The following KCNT2 variants were observed in gnomAD, a reference collection of about 807,000 sequenced individuals.
KCNT2 encodes the protein potassium sodium-activated channel subfamily T member 2.
Under a neutral mutation model 153.8 loss-of-function variants are expected in KCNT2, and 67 were observed. That is an observed-to-expected ratio of 0.44 (90% confidence interval 0.36 to 0.53). KCNT2 has a LOEUF of 0.53. KCNT2 is among the 20% of genes least tolerant of loss of function. KCNT2 has a pLI of 0.00. For missense variants in KCNT2, 975 were observed against 1,354.8 expected (o/e 0.72, Z 4.40); for synonymous variants, 500 against 458.8 (o/e 1.09, Z -1.15).
intron 22 of KCNT2, among the ~76,000 whole-genome samples, chr1:196,294,016 A>T (rs1197964726): frequency 6.6e-6 from 1 of 152,184 alleles, no homozygotes; most frequent in African/African-American, 2.4e-5. Flanking sequence ...AATAAAACAC[A>T]TAACTGAGTC....
intron 14 of KCNT2, among the ~76,000 whole-genome samples, chr1:196,342,582 T>A (rs1446254840): frequency 6.6e-6 from 1 of 151,328 alleles, no homozygotes. Flanking sequence ...TATATACATA[T>A]CCTATCATGT....
At chr1:196,398,462 C>G in intron 13 of KCNT2, 101 bp downstream of exon 13, 1 of 579,810 alleles carries the variant, frequency 1.7e-6, no homozygotes. Context: ...TCTTTAGAAT[C>G]TTGAATACTT....
chr1:196,345,279 A>C (rs1572113679), intron 14 of KCNT2, among the ~76,000 whole-genome samples: 1 of 152,208 alleles, frequency 6.6e-6, no homozygotes, highest in African/African-American at 2.4e-5. Context: ...GGTAGAATAA[A>C]ATGTAAATAG....
At chr1:196,499,070 T>C (rs541297412) in intron 1 of KCNT2, among the ~76,000 whole-genome samples, 152 of 152,268 alleles carry the variant, frequency 1.0e-3, no homozygotes, top group African/African-American at 3.4e-3. Context: ...CAGACACATA[T>C]GCAGAAGGAA....
chr1:196,468,958 A>G, intron 6 of KCNT2, 36 bp downstream of exon 6: 1 of 1,256,326 alleles, frequency 8.0e-7, no homozygotes, highest in Admixed American at 1.8e-5. Context: ...AAGTCTAATT[A>G]CAAAAGTGTT....
At chr1:196,382,485 A>G (rs1451992132) in intron 13 of KCNT2, among the ~76,000 whole-genome samples, 1 of 152,136 alleles carries the variant, frequency 6.6e-6, no homozygotes, top group African/African-American at 2.4e-5. Flanking sequence ...TCGTAAAAAT[A>G]AAATTGGAGA....
At chr1:196,267,392 T>C (rs919082986) in intron 25 of KCNT2, among the ~76,000 whole-genome samples, 1 of 152,204 alleles carries the variant, frequency 6.6e-6, no homozygotes, top group Non-Finnish European at 1.5e-5. Flanking sequence ...TCCACAATGT[T>C]AAGACAAAAC....
intron 8 of KCNT2, among the ~76,000 whole-genome samples, chr1:196,456,792 C>A (rs925500016): frequency 6.6e-6 from 1 of 151,894 alleles, no homozygotes; most frequent in Non-Finnish European, 1.5e-5. Context: ...CTATACCAAG[C>A]ATTTAATAGA....
chr1:196,359,916 A>C (rs546800646), intron 14 of KCNT2, among the ~76,000 whole-genome samples: 2 of 152,166 alleles, frequency 1.3e-5, no homozygotes, highest in African/African-American at 4.8e-5. Flanking sequence ...TAGAGCATAG[A>C]CAGCCTTAAA....
intron 25 of KCNT2, among the ~76,000 whole-genome samples, chr1:196,273,861 C>A (rs1009215399): frequency 2.0e-5 from 3 of 151,532 alleles, no homozygotes; most frequent in Non-Finnish European, 3.0e-5. Context: ...AAATGTACTC[C>A]ATACACTATA....
At chr1:196,296,274 T>C (rs1399710363) in intron 22 of KCNT2, among the ~76,000 whole-genome samples, 2 of 151,918 alleles carry the variant, frequency 1.3e-5, no homozygotes, top group African/African-American at 4.8e-5. Flanking sequence ...ATGATAGTTA[T>C]AGAAATTACA....
At chr1:196,578,657 T>C (rs961325901) in intron 1 of KCNT2, among the ~76,000 whole-genome samples, 1 of 152,126 alleles carries the variant, frequency 6.6e-6, no homozygotes, top group Admixed American at 6.5e-5. Flanking sequence ...CTCTAGAAGA[T>C]AGAACATTAG....
intron 1 of KCNT2, among the ~76,000 whole-genome samples, chr1:196,497,221 C>T (rs1412152786): frequency 6.6e-6 from 1 of 152,142 alleles, no homozygotes; most frequent in Non-Finnish European, 1.5e-5. Flanking sequence ...CAAAAAACAA[C>T]ATCTGTACTA....
intron 18 of KCNT2, among the ~76,000 whole-genome samples, chr1:196,327,512 T>C (rs1019605752): frequency 6.6e-6 from 1 of 152,138 alleles, no homozygotes; most frequent in African/African-American, 2.4e-5. Flanking sequence ...ATTAGCGTTG[T>C]TAACCCAATA....
At chr1:196,233,969 A>T (rs1339608192) in intron 27 of KCNT2, among the ~76,000 whole-genome samples, 1 of 151,352 alleles carries the variant, frequency 6.6e-6, no homozygotes, top group Non-Finnish European at 1.5e-5. Context: ...CACAGAAGAA[A>T]TAAATTCCAG....
At chr1:196,251,396 TG>T (rs1655960414) in intron 26 of KCNT2, among the ~76,000 whole-genome samples, 1 of 152,112 alleles carries the variant, frequency 6.6e-6, no homozygotes, top group Non-Finnish European at 1.5e-5. Context: ...GTTTTTTGTT[TG>T]TTTGCTTGTT....
At chr1:196,436,762 T>A (rs1405477001) in intron 8 of KCNT2, among the ~76,000 whole-genome samples, 1 of 150,882 alleles carries the variant, frequency 6.6e-6, no homozygotes, top group Non-Finnish European at 1.5e-5. Context: ...ATACAAAATG[T>A]ACTCAAATAC....
chr1:196,504,692 G>T (rs1307477511), intron 1 of KCNT2, among the ~76,000 whole-genome samples: 1 of 152,120 alleles, frequency 6.6e-6, no homozygotes, highest in Non-Finnish European at 1.5e-5. Flanking sequence ...CTAGTTTATA[G>T]TCCCACCAAC....
At chr1:196,420,994 C>T (rs1358509033) in intron 12 of KCNT2, among the ~76,000 whole-genome samples, 1 of 151,952 alleles carries the variant, frequency 6.6e-6, no homozygotes, top group African/African-American at 2.4e-5. Context: ...TACATATAAC[C>T]CTACATTCAG....
Sources: allele counts gnomAD v4.1 joint callset (sites outside exome capture counted in the v4.1 genomes callset), GRCh38; gene constraint gnomAD v4.1.1; transcripts MANE v1.5; gene names NCBI Gene and HGNC (gene_info 2026-07-23, HGNC 2026-07-21).